AGBL1: variants seen among roughly 807,000 people sequenced by gnomAD.
The protein encoded by AGBL1 is AGBL carboxypeptidase 1.
AGBL1 carries 130 observed loss-of-function variants against 118.9 expected under a neutral mutation model. The ratio of observed to expected loss-of-function variants is 1.09; its 90% CI spans 0.95 to 1.26. AGBL1 has a LOEUF of 1.26. Ranked by LOEUF, AGBL1 falls within the 50% of genes most tolerant of loss-of-function variation. The pLI is 0.00. For missense variants in AGBL1, 1,584 were observed against 1,298.1 expected (o/e 1.22, Z -3.38); for synonymous variants, 555 against 478.9 (o/e 1.16, Z -2.08).
At chr15:87,012,723 A>G (rs185996621) in intron 24 of AGBL1, among the ~76,000 whole-genome samples, 4 of 152,056 alleles carry the variant, frequency 2.6e-5, no homozygotes, top group Non-Finnish European at 5.9e-5. Context: ...ATTTTTTGGC[A>G]TTTGGAGCAG....
intron 18 of AGBL1, among the ~76,000 whole-genome samples, chr15:86,444,955 A>T (rs1419890899): frequency 6.6e-6 from 1 of 152,220 alleles, no homozygotes; most frequent in African/African-American, 2.4e-5. Flanking sequence ...ATTGAGATAC[A>T]TTAGATTGCA....
intron 5 of AGBL1, among the ~76,000 whole-genome samples, chr15:86,223,059 A>G (rs1441825138): frequency 1.3e-5 from 2 of 152,164 alleles, no homozygotes; most frequent in Admixed American, 6.6e-5. Flanking sequence ...GAGTAGCAAG[A>G]TTCAAATGTG....
chr15:86,332,229 T>C (rs1479237057), intron 17 of AGBL1, among the ~76,000 whole-genome samples: 3 of 152,158 alleles, frequency 2.0e-5, no homozygotes, highest in African/African-American at 4.8e-5. Flanking sequence ...ATACTCAACA[T>C]TGGAACATCT....
chr15:86,796,445 C>A (rs1206687352), intron 22 of AGBL1, among the ~76,000 whole-genome samples: 1 of 152,326 alleles, frequency 6.6e-6, no homozygotes, highest in African/African-American at 2.4e-5. Flanking sequence ...AAGATAAAAA[C>A]TGTATTGCTT....
intron 2 of AGBL1, among the ~76,000 whole-genome samples, chr15:86,142,300 A>G (rs1047371874): frequency 1.3e-5 from 2 of 152,210 alleles, no homozygotes; most frequent in Non-Finnish European, 1.5e-5. Flanking sequence ...AATTAGATTT[A>G]GTAGTAACCC....
intron 21 of AGBL1, among the ~76,000 whole-genome samples, chr15:86,587,939 C>T (rs932048819): frequency 6.6e-6 from 1 of 152,192 alleles, no homozygotes; most frequent in Non-Finnish European, 1.5e-5. Context: ...TGAACCCAGA[C>T]TTGTCTTTTA....
intron 22 of AGBL1, among the ~76,000 whole-genome samples, chr15:86,876,846 C>T (rs2079817087): frequency 6.6e-6 from 1 of 152,154 alleles, no homozygotes; most frequent in Non-Finnish European, 1.5e-5. Flanking sequence ...CTGGTTTCCT[C>T]ATTTCTAAAA....
chr15:86,419,904 G>A (rs187585271), intron 18 of AGBL1, among the ~76,000 whole-genome samples: 6 of 152,312 alleles, frequency 3.9e-5, no homozygotes, highest in Admixed American at 3.9e-4. Context: ...TAGCCAGACT[G>A]CCTCTCTAGA....
intron 1 of AGBL1, among the ~76,000 whole-genome samples, chr15:86,128,584 C>T (rs1472383240): frequency 6.6e-6 from 1 of 152,240 alleles, no homozygotes; most frequent in Non-Finnish European, 1.5e-5. Context: ...CCCCACCTCG[C>T]ATGGTGACAC....
At chr15:86,961,018 T>C (rs1357374044) in intron 23 of AGBL1, among the ~76,000 whole-genome samples, 1 of 152,018 alleles carries the variant, frequency 6.6e-6, no homozygotes, top group Non-Finnish European at 1.5e-5. Context: ...ATGTAAAGCA[T>C]GATGACTAGA....
chr15:86,731,628 T>C (rs1170523707), intron 22 of AGBL1, among the ~76,000 whole-genome samples: 2 of 152,176 alleles, frequency 1.3e-5, no homozygotes, highest in Admixed American at 1.3e-4. Flanking sequence ...AGATGAGACT[T>C]GAAAGCCAAC....
At chr15:86,933,424 T>C (rs1315914597) in intron 23 of AGBL1, among the ~76,000 whole-genome samples, 1 of 152,198 alleles carries the variant, frequency 6.6e-6, no homozygotes, top group Admixed American at 6.5e-5. Context: ...TATAGCTCAT[T>C]ACAGCTCAGG....
At chr15:86,988,228 G>A in intron 24 of AGBL1, 1 of 1,032,556 alleles carries the variant, frequency 9.7e-7, no homozygotes, top group East Asian at 2.5e-5. Flanking sequence ...ATACCCTTCA[G>A]CTTTGCAAGA....
intron 1 of AGBL1, among the ~76,000 whole-genome samples, chr15:86,141,312 T>G (rs2076959872): frequency 6.6e-6 from 1 of 152,346 alleles, no homozygotes; most frequent in Non-Finnish European, 1.5e-5. Flanking sequence ...AGGGAAGTCT[T>G]TTCGTCAGAA....
intron 21 of AGBL1, among the ~76,000 whole-genome samples, chr15:86,590,792 C>A (rs2084323259): frequency 6.6e-6 from 1 of 152,224 alleles, no homozygotes; most frequent in African/African-American, 2.4e-5. Context: ...CCAGGAAAGA[C>A]AGCTTTGCAG....
intron 22 of AGBL1, among the ~76,000 whole-genome samples, chr15:86,737,554 G>A (rs1301257963): frequency 6.6e-6 from 1 of 152,128 alleles, no homozygotes; most frequent in Admixed American, 6.5e-5. Context: ...CAGGAGCCAA[G>A]TTCTTCCTGC....
chr15:86,178,150 A>G (rs2077506361), intron 5 of AGBL1, among the ~76,000 whole-genome samples: 2 of 152,154 alleles, frequency 1.3e-5, no homozygotes, highest in African/African-American at 2.4e-5. Context: ...TGTCTCTACT[A>G]AAAATACAAA....
chr15:86,114,186 C>T (rs1016612950), intron 1 of AGBL1, among the ~76,000 whole-genome samples: 2 of 152,210 alleles, frequency 1.3e-5, no homozygotes, highest in African/African-American at 4.8e-5. Context: ...TTATATATAA[C>T]ATGTTTGCCA....
chr15:86,315,442 C>A (rs913467502), intron 17 of AGBL1, among the ~76,000 whole-genome samples: 3 of 152,028 alleles, frequency 2.0e-5, no homozygotes, highest in South Asian at 2.1e-4. Flanking sequence ...TGGGGCCGGG[C>A]GCAGTGGCTC....
Sources: gnomAD v4.1 joint callset for allele counts (sites outside exome capture counted in the v4.1 genomes callset) on GRCh38, gnomAD v4.1.1 for gene constraint, MANE v1.5 for transcripts, NCBI Gene and HGNC (gene_info 2026-07-23, HGNC 2026-07-21) for gene names.